Variants in ASTN2 observed in about 807,000 individuals in gnomAD.
ASTN2 encodes astrotactin 2.
A neutral mutation model predicts 139.8 loss-of-function variants in ASTN2; 54 were observed. The observed-to-expected ratio is 0.39, with a 90% confidence interval of 0.31 to 0.48. ASTN2 has a LOEUF of 0.48. Among genes scored for constraint, ASTN2 ranks in the 20% least tolerant of loss-of-function variants. The pLI is 0.95. For missense variants in ASTN2, 1,565 were observed against 1,725.1 expected, an observed-to-expected ratio of 0.91 and a Z score of 1.64; for synonymous variants, 756 against 719.5, an observed-to-expected ratio of 1.05 and a Z score of -0.81.
chr9:117,284,588 T>C (rs1249055428), intron 2 of ASTN2, among the ~76,000 whole-genome samples: 1 of 152,230 alleles, frequency 6.6e-6, no homozygotes, highest in Non-Finnish European at 1.5e-5. Flanking sequence ...GATATCTTGA[T>C]TTTAAACTTC....
Position 116,715,809 on chromosome 9 carries a change from G to A in ASTN2, c.2806+9962C>T, listed in dbSNP as rs138073220. ...AGGAACTACTGTGGAATGATAGAGC[G>A]GTGAGAAAGGATAAAGGAAAGAAAT... is the stretch of plus-strand genomic sequence containing the variant. On this transcript the variant is annotated intron_variant, in intron 16 of 22. Transcript: ENST00000313400. Among the ~76,000 whole-genome samples the A allele has an allele frequency of 5.9e-3, 902 of 152,216 alleles. 10 individuals carry two copies. The highest frequency in any genetic ancestry group is 0.02 in the African/African-American group (833 of 41,538).
chr9:117,072,459 T>C (rs1034447976), intron 5 of ASTN2, among the ~76,000 whole-genome samples: 6 of 152,296 alleles, frequency 3.9e-5, no homozygotes, highest in Middle Eastern at 3.4e-3. Context: ...CATCTTGCAG[T>C]CTGGCACTAG....
intron 19 of ASTN2, among the ~76,000 whole-genome samples, chr9:116,566,344 A>C (rs1202141964): frequency 6.6e-6 from 1 of 151,978 alleles, no homozygotes; most frequent in African/African-American, 2.4e-5. Flanking sequence ...GATCAGCTCA[A>C]TCCTTTGTTT....
chr9:117,226,143 G>C (rs962646628), intron 2 of ASTN2, among the ~76,000 whole-genome samples: 2 of 152,220 alleles, frequency 1.3e-5, no homozygotes, highest in Non-Finnish European at 2.9e-5. Flanking sequence ...TTACAGTCAA[G>C]TTCAAAGGTG....
At chr9:117,179,064 C>A (rs1335652103) in intron 3 of ASTN2, among the ~76,000 whole-genome samples, 1 of 152,184 alleles carries the variant, frequency 6.6e-6, no homozygotes, top group Non-Finnish European at 1.5e-5. Flanking sequence ...CCTTAACAGT[C>A]TATATGACAC....
At chr9:117,172,393 T>A (rs1307716986) in intron 3 of ASTN2, among the ~76,000 whole-genome samples, 1 of 152,144 alleles carries the variant, frequency 6.6e-6, no homozygotes, top group East Asian at 1.9e-4. Context: ...TATGTTGGTC[T>A]GGGTGGTGGT....
At chr9:117,177,978 A>T (rs1830960398) in intron 3 of ASTN2, among the ~76,000 whole-genome samples, 1 of 152,094 alleles carries the variant, frequency 6.6e-6, no homozygotes, top group Non-Finnish European at 1.5e-5. Flanking sequence ...GCCCCGTGTG[A>T]TCGGGCCCTG....
intron 10 of ASTN2, among the ~76,000 whole-genome samples, chr9:116,952,932 C>A (rs928601297): frequency 3.3e-5 from 5 of 152,148 alleles, no homozygotes; most frequent in African/African-American, 1.2e-4. Flanking sequence ...ATGTGAAAGA[C>A]CCTCTGACAG....
At chr9:117,363,935 C>T (rs151091121) in intron 1 of ASTN2, among the ~76,000 whole-genome samples, 19 of 152,140 alleles carry the variant, frequency 1.2e-4, no homozygotes, top group South Asian at 4.1e-4. Flanking sequence ...TTTCCTCATC[C>T]GCAAGCGTGG....
intron 2 of ASTN2, among the ~76,000 whole-genome samples, chr9:117,237,151 G>C (rs1312469295): frequency 6.6e-6 from 1 of 151,994 alleles, no homozygotes; most frequent in Non-Finnish European, 1.5e-5. Context: ...TGAAATATTA[G>C]GTTGGAGCAA....
At chr9:117,095,478 A>G (rs1564423457) in intron 5 of ASTN2, among the ~76,000 whole-genome samples, 2 of 152,216 alleles carry the variant, frequency 1.3e-5, no homozygotes, top group Non-Finnish European at 2.9e-5. Flanking sequence ...AACTGCCTAG[A>G]AAGGCACACG....
At chr9:117,032,576 A>C (rs1330961104) in intron 6 of ASTN2, among the ~76,000 whole-genome samples, 1 of 152,194 alleles carries the variant, frequency 6.6e-6, no homozygotes. Context: ...CCTTCTAAGA[A>C]TTGAAAATAC....
At chr9:116,595,844 G>A (rs995874362) in intron 19 of ASTN2, among the ~76,000 whole-genome samples, 2 of 152,102 alleles carry the variant, frequency 1.3e-5, no homozygotes, top group African/African-American at 4.8e-5. Context: ...GTAGAAAGGC[G>A]AAGCCACTAT....
intron 7 of ASTN2, among the ~76,000 whole-genome samples, chr9:117,007,106 A>T (rs1837376457): frequency 6.6e-6 from 1 of 152,044 alleles, no homozygotes; most frequent in Non-Finnish European, 1.5e-5. Flanking sequence ...TCTGCCTGGA[A>T]CACGTCCCTC....
intron 10 of ASTN2, among the ~76,000 whole-genome samples, chr9:116,946,402 T>C (rs1431741650): frequency 6.6e-6 from 1 of 152,186 alleles, no homozygotes; most frequent in Admixed American, 6.5e-5. Context: ...TATGCATGTT[T>C]ATTCCCCCAC....
chr9:116,939,756 GT>G (rs1299374358), intron 10 of ASTN2, among the ~76,000 whole-genome samples: 5 of 152,040 alleles, frequency 3.3e-5, no homozygotes, highest in African/African-American at 1.2e-4. Context: ...CAGCTCCACA[GT>G]GAAGGGAAGC....
chr9:117,150,364 A>T (rs1830299959), intron 3 of ASTN2, among the ~76,000 whole-genome samples: 1 of 152,206 alleles, frequency 6.6e-6, no homozygotes, highest in South Asian at 2.1e-4. Flanking sequence ...CACGTTACAG[A>T]GACCAGAAAG....
chr9:116,699,743 A>G lies in ASTN2; in HGVS notation c.2806+26028T>C, dbSNP rs542506728. On this transcript the variant is annotated intron_variant, in intron 16 of 22. Transcript: ENST00000313400. This position sits in a 1 kb window ranked among gnomAD's most constrained non-coding sequence, Gnocchi z 4.2. ...ATCAGTTTCTTCTGCTCCCAAGCCA[A>G]CTTCCCTTCCCTTAGTTCTTGGTTG... 1.2e-6 allele frequency: 2 copies of G among 1,613,928 alleles called. No homozygotes were observed. The highest frequency in any genetic ancestry group is 1.3e-5 in the African/African-American group (1 of 75,044).
intron 16 of ASTN2, among the ~76,000 whole-genome samples, chr9:116,655,800 C>T (rs1337841544): frequency 6.6e-6 from 1 of 152,208 alleles, no homozygotes; most frequent in East Asian, 1.9e-4. Context: ...AAGCAATCCC[C>T]CCACCTCAGC....
Sources: allele counts gnomAD v4.1 joint callset (sites outside exome capture counted in the v4.1 genomes callset), GRCh38; gene constraint gnomAD v4.1.1; non-coding constraint Gnocchi (gnomAD v3.1); transcripts MANE v1.5; gene names NCBI Gene and HGNC (gene_info 2026-07-23, HGNC 2026-07-21).